SLC13A3: variants seen among roughly 807,000 people sequenced by gnomAD.
SLC13A3 encodes Na(+)/dicarboxylate cotransporter 3.
In SLC13A3, 40 loss-of-function variants were observed where a neutral mutation model predicts 59.0. That is an observed-to-expected ratio of 0.68 (90% CI 0.53 to 0.88). The LOEUF (loss-of-function observed/expected upper bound fraction) is 0.88. Ranked by LOEUF, SLC13A3 falls within the 40% of genes least tolerant of loss-of-function variation. SLC13A3 has a pLI of 0.00. For synonymous variants in SLC13A3, 317 were observed against 330.3 expected (o/e 0.96, Z 0.44); for missense variants, 699 against 783.2 (o/e 0.89, Z 1.28).
chr20:46,589,272 GA>G lies in SLC13A3; in HGVS notation c.921-18del. The G allele has an allele frequency of 1.9e-6, 3 of 1,610,190 alleles. No homozygotes were observed. The highest frequency in any genetic ancestry group is 2.6e-6 in the Non-Finnish European group (3 of 1,176,408). ...CTCCAGCCCCTGAAACAGAAAGTGG[GA>G]GATTAGGAGTGGCCACTGCAGGTAT... On this transcript the variant is annotated intron_variant, in intron 6 of 12. Coordinates refer to ENST00000279027, the MANE Select transcript of SLC13A3 (RefSeq NM_022829.6).
In SLC13A3 at chr20:46,559,984, T is replaced by C; in HGVS notation, c.*38A>G. The C allele has an allele frequency of 6.3e-7, 1 of 1,594,204 alleles. No homozygotes were observed. On this transcript the variant is annotated 3_prime_UTR_variant, in exon 13 of 13. Transcript: ENST00000279027. ...GCAGCAGGTGATGGTGACAGCCCTT[T>C]GAGAGGGTTCAGCCTCAAGGGAGTC...
At chr20:46,563,725 G>A (rs1297149377) in intron 11 of SLC13A3, among the ~76,000 whole-genome samples, 174 bp from the exon 12 acceptor site, 1 of 152,164 alleles carries the variant, frequency 6.6e-6, no homozygotes, top group Non-Finnish European at 1.5e-5. Flanking sequence ...AGGGACAAGT[G>A]AGAAGAGAGA....
At chr20:46,642,810 G>T (rs570531571) in intron 1 of SLC13A3, among the ~76,000 whole-genome samples, 1 of 152,170 alleles carries the variant, frequency 6.6e-6, no homozygotes, top group East Asian at 1.9e-4. Flanking sequence ...AGTGTCCAGG[G>T]TCAGCAACTT....
upstream of SLC13A3, among the ~76,000 whole-genome samples, chr20:46,674,588 T>TGTGCGC (rs1427350004): frequency 2.2e-5 from 3 of 136,756 alleles, no homozygotes; most frequent in African/African-American, 8.7e-5. Context: ...AGGTGGGGAG[T>TGTGCGC]GCGCGCGCGC....
chr20:46,651,443 C>G lies in SLC13A3; in HGVS notation c.-22G>C. On this transcript the variant is annotated 5_prime_UTR_variant, in exon 1 of 13. Transcript: ENST00000279027. ...CCATCAGCGCGATCGCCTGGCGGTA[C>G]GGGCCGGCCCGGGACTGCCCCGCCT... The G allele has an allele frequency of 7.1e-7, 1 of 1,407,516 alleles. No individual in the cohort carries two copies. Among genetic ancestry groups the G allele is most frequent in the African/African-American group, 1.5e-5 (1 of 66,364 alleles). 87.2% of individuals were successfully genotyped at this position (1,407,516 alleles called of 1,614,324 possible).
intron 1 of SLC13A3, among the ~76,000 whole-genome samples, chr20:46,632,001 C>G (rs34346906): frequency 9.5e-4 from 144 of 152,240 alleles, no homozygotes; most frequent in Non-Finnish European, 1.7e-3. Context: ...TTCCCCCTGC[C>G]CCAGCTCCCT....
chr20:46,594,240 TTAATA>T (rs1217154963), intron 5 of SLC13A3, among the ~76,000 whole-genome samples: 1 of 149,380 alleles, frequency 6.7e-6, no homozygotes, highest in African/African-American at 2.4e-5. Context: ...GTATTATATG[TTAATA>T]TAATATATAT....
At chr20:46,589,507 G>T (rs2062231380) in intron 6 of SLC13A3, among the ~76,000 whole-genome samples, 1 of 152,168 alleles carries the variant, frequency 6.6e-6, no homozygotes, top group African/African-American at 2.4e-5. Context: ...GGTCAAACAG[G>T]CACATGAATA....
At chr20:46,605,730 C>T (rs73311085) in intron 3 of SLC13A3, among the ~76,000 whole-genome samples, 2,962 of 152,240 alleles carry the variant, frequency 0.019, 98 homozygotes, top group African/African-American at 0.068. Context: ...ATCTCCAAGG[C>T]ACCCACCTGT....
Position 46,566,303 on chromosome 20 carries a change from C to T in SLC13A3, c.1420G>A (p.Val474Ile). 4 of 1,613,670 alleles carry T rather than the reference C, an allele frequency of 2.5e-6. No individual in the cohort carries two copies. Among genetic ancestry groups the T allele is most frequent in the Non-Finnish European group, 3.4e-6 (4 of 1,179,722 alleles). The change falls in exon 11 of 13, where the codon GTC (valine) becomes ATC (isoleucine). Residue 474 changes from valine to isoleucine, a missense_variant. By Grantham distance (29) the Val-to-Ile change is conservative. Transcript: ENST00000279027. ...GCAAACTCAGTGAAGAAGGCGATGA[C>T]CACAGTGATGAGCAGCACAGCCAGG... ...PALAVLLITV[V>I]IAFFTEFASN...
chr20:46,637,819 G>C (rs1207627658), intron 1 of SLC13A3, among the ~76,000 whole-genome samples: 1 of 152,150 alleles, frequency 6.6e-6, no homozygotes, highest in Non-Finnish European at 1.5e-5. Flanking sequence ...CTGGAGTCCA[G>C]GAAGGCTGGT....
At chr20:46,651,266 C>A in intron 1 of SLC13A3, 45 bp downstream of exon 1, 2 of 1,445,490 alleles carry the variant, frequency 1.4e-6, no homozygotes, top group Non-Finnish European at 1.8e-6. Context: ...AGAAGAGGAT[C>A]CCGCCTGTGG....
intron 5 of SLC13A3, among the ~76,000 whole-genome samples, chr20:46,594,127 G>T (rs2062285785): frequency 6.6e-6 from 1 of 151,638 alleles, no homozygotes; most frequent in Non-Finnish European, 1.5e-5. Context: ...ACACCAGAGG[G>T]TCTGCATTTG....
rs553785434 is a variant in SLC13A3, at chr20:46,573,969, C to T, written c.1332+1604G>A. ...ACTCTTAATTGGCTGTGGTTTTTAACGCCTCGGTTTACAAGGCGTTCAGGG... is the reference window on the plus strand; with the variant it reads ...ACTCTTAATTGGCTGTGGTTTTTAATGCCTCGGTTTACAAGGCGTTCAGGG... On this transcript the variant is annotated intron_variant, in intron 10 of 12. Coordinates refer to ENST00000279027, the MANE Select transcript of SLC13A3 (RefSeq NM_022829.6). Among the ~76,000 whole-genome samples, 16 of 152,332 alleles carry T rather than the reference C, an allele frequency of 1.1e-4. 1 individual carries two copies. Among genetic ancestry groups the T allele is most frequent in the African/African-American group, 2.2e-4 (9 of 41,568 alleles).
intron 9 of SLC13A3, chr20:46,582,638 T>C (rs2062150250): frequency 2.0e-6 from 2 of 985,038 alleles, no homozygotes; most frequent in Non-Finnish European, 1.2e-6. Context: ...GAACTGTTTA[T>C]GGAGCTTGCA....
At chr20:46,655,787 T>A (rs1241824233), upstream of SLC13A3, among the ~76,000 whole-genome samples, 3 of 144,096 alleles carry the variant, frequency 2.1e-5, no homozygotes, top group African/African-American at 5.1e-5. Context: ...ATATATGCCT[T>A]CAGTATATAT....
intron 1 of SLC13A3, among the ~76,000 whole-genome samples, chr20:46,635,624 A>G (rs2062788203): frequency 6.6e-6 from 1 of 152,100 alleles, no homozygotes; most frequent in African/African-American, 2.4e-5. Context: ...CATGGGACCT[A>G]CTGTCAGAGG....
At chr20:46,600,389 GGAAAGAAA>G (rs139896803) in intron 3 of SLC13A3, among the ~76,000 whole-genome samples, 2 of 145,086 alleles carry the variant, frequency 1.4e-5, no homozygotes, top group African/African-American at 5.1e-5. Context: ...GGAAAGGGAG[GGAAAGAAA>G]GAAAGAAAGG....
intron 1 of SLC13A3, among the ~76,000 whole-genome samples, chr20:46,636,989 T>TGGGATTTCACCATGTTGACCA (rs1331082747): frequency 2.6e-5 from 4 of 151,980 alleles, no homozygotes; most frequent in Non-Finnish European, 5.9e-5. Context: ...TTAGTAGAGA[T>TGGGATTTCACCATGTTGACCA]GGGATTTCAC....
Sources: gnomAD v4.1 joint callset for allele counts (sites outside exome capture counted in the v4.1 genomes callset) on GRCh38, gnomAD v4.1.1 for gene constraint, MANE v1.5 for transcripts, NCBI Gene and HGNC (gene_info 2026-07-23, HGNC 2026-07-21) for gene names.